Variants in PLCB4 observed in about 807,000 individuals in gnomAD.
PLCB4 encodes phospholipase C beta 4.
A neutral mutation model predicts 178.8 loss-of-function variants in PLCB4; 77 were observed. The ratio of observed to expected loss-of-function variants is 0.43; its 90% confidence interval spans 0.36 to 0.52. PLCB4 has a LOEUF of 0.52. Among genes scored for constraint, PLCB4 ranks in the 20% least tolerant of loss-of-function variants. The pLI is 0.00. For missense variants in PLCB4, 1,024 were observed against 1,453.4 expected (o/e 0.70, Z 4.80); for synonymous variants, 496 against 490.8 (o/e 1.01, Z -0.14).
intron 3 of PLCB4, among the ~76,000 whole-genome samples, chr20:9,300,037 G>A (rs931931081): frequency 6.6e-6 from 1 of 152,064 alleles, no homozygotes; most frequent in African/African-American, 2.4e-5. Flanking sequence ...ATATATTAAT[G>A]TCAAATTAGA....
chr20:9,325,350 G>A (rs2030312250), intron 4 of PLCB4, among the ~76,000 whole-genome samples: 1 of 152,072 alleles, frequency 6.6e-6, no homozygotes, highest in Non-Finnish European at 1.5e-5. Flanking sequence ...TTTGACTACT[G>A]TGACAGTTTT....
At chr20:9,405,444 A>T in intron 21 of PLCB4, 96 bp downstream of exon 21, 1 of 739,180 alleles carries the variant, frequency 1.4e-6, no homozygotes, top group Non-Finnish European at 2.2e-6. Context: ...AAATGATTAA[A>T]TCCTGATAAA....
Position 9,406,840 on chromosome 20 carries a change from T to G in PLCB4, c.1648-1077T>G, listed in dbSNP as rs141604376. ...TGGATTACATCATCCAACTAAGGAA[T>G]TTATCCAACTAGATTCACTTTATGC... On this transcript the variant is annotated intron_variant, in intron 21 of 39. Transcript: ENST00000378473. Among the ~76,000 whole-genome samples, 51 of 152,328 alleles carry G rather than the reference T, an allele frequency of 3.3e-4. No homozygotes were observed. In the East Asian group the frequency reaches 9.6e-3, roughly 29 times the overall value.
chr20:9,112,625 C>G (rs2091621889), intron 2 of PLCB4, among the ~76,000 whole-genome samples: 2 of 152,072 alleles, frequency 1.3e-5, no homozygotes, highest in Non-Finnish European at 2.9e-5. Context: ...TACCATATGT[C>G]TTTAAAATAT....
At chr20:9,097,619 G>A (rs988116768) in intron 2 of PLCB4, among the ~76,000 whole-genome samples, 1 of 152,076 alleles carries the variant, frequency 6.6e-6, no homozygotes, top group African/African-American at 2.4e-5. Context: ...TAACAAATTC[G>A]TGATGCTGAT....
chr20:9,311,193 A>C (rs539015922), intron 4 of PLCB4, among the ~76,000 whole-genome samples: 2 of 152,290 alleles, frequency 1.3e-5, no homozygotes, highest in South Asian at 4.1e-4. Flanking sequence ...GGGCCTTCCC[A>C]GTCTTTCCTA....
rs186249449 is a variant in PLCB4 at position 9,133,354 on chromosome 20, G to A, written c.-79+37012G>A. On this transcript the variant is annotated intron_variant, in intron 2 of 39. Coordinates refer to ENST00000378473, the MANE Select transcript of PLCB4 (RefSeq NM_001377142.1). ...ATGATCTTGGCTCACTGCAGCCCCC[G>A]CCTCCTGGATTCAAGCAATTCTTTT... Among the ~76,000 whole-genome samples, 498 of 152,114 alleles carry A rather than the reference G, an allele frequency of 3.3e-3. 1 individual carries two copies. The highest frequency in any genetic ancestry group is 8.0e-3 in the African/African-American group (330 of 41,494).
At chr20:9,242,075 G>C (rs2094069814) in intron 3 of PLCB4, among the ~76,000 whole-genome samples, 1 of 152,176 alleles carries the variant, frequency 6.6e-6, no homozygotes. Flanking sequence ...TCTACATTTG[G>C]AACTGCAGGT....
chr20:9,373,845 CA>C lies in PLCB4; in HGVS notation c.744+748del, dbSNP rs1219303605. 3.9e-5 allele frequency among the ~76,000 whole-genome samples: 6 copies of C among 152,192 alleles called. No homozygotes were observed. In the South Asian group the frequency reaches 1.2e-3, roughly 31 times the overall value. ...TGAACTACTTTTTTCTTCACACATACAAAAAAAGTTTTCCCTTCAGTGAAAC... is the reference window on the plus strand; with the variant it reads ...TGAACTACTTTTTTCTTCACACATACAAAAAAGTTTTCCCTTCAGTGAAAC... On this transcript the variant is annotated intron_variant, in intron 12 of 39. Coordinates refer to ENST00000378473, the MANE Select transcript of PLCB4 (RefSeq NM_001377142.1).
At chr20:9,371,948 G>A (rs1260663639) in intron 10 of PLCB4, among the ~76,000 whole-genome samples, 1 of 152,084 alleles carries the variant, frequency 6.6e-6, no homozygotes, top group Non-Finnish European at 1.5e-5. Flanking sequence ...TTAAACCTTG[G>A]GCTTGATTTA....
At chr20:9,377,470 A>G (rs1233322442) in intron 12 of PLCB4, among the ~76,000 whole-genome samples, 3 of 152,158 alleles carry the variant, frequency 2.0e-5, no homozygotes, top group Non-Finnish European at 4.4e-5. Context: ...TTCTGACTCT[A>G]ATGCAAATCT....
chr20:9,408,133 T>G, intron 22 of PLCB4, 75 bp downstream of exon 22: 1 of 1,283,308 alleles, frequency 7.8e-7, no homozygotes, highest in East Asian at 2.4e-5. Flanking sequence ...TTTTATCTAA[T>G]TTGTTGCCAT....
intron 12 of PLCB4, among the ~76,000 whole-genome samples, chr20:9,375,865 A>G (rs1322633270): frequency 2.0e-5 from 3 of 152,176 alleles, no homozygotes; most frequent in African/African-American, 7.2e-5. Flanking sequence ...ACTGCCATTA[A>G]CCAGGTAGAA....
At chr20:9,352,560 C>G (rs999383925) in intron 7 of PLCB4, among the ~76,000 whole-genome samples, 2 of 152,176 alleles carry the variant, frequency 1.3e-5, no homozygotes, top group African/African-American at 2.4e-5. Context: ...TATTTAGAGG[C>G]TCTTTTTGAC....
intron 37 of PLCB4, 72 bp from the exon 38 acceptor site, chr20:9,473,207 T>A: frequency 1.2e-6 from 1 of 866,428 alleles, no homozygotes; most frequent in South Asian, 1.8e-5. Context: ...AAGTTACAAG[T>A]CATCTCTCAT....
At chr20:9,112,370 T>C (rs2091612740) in intron 2 of PLCB4, among the ~76,000 whole-genome samples, 1 of 151,734 alleles carries the variant, frequency 6.6e-6, no homozygotes, top group South Asian at 2.1e-4. Flanking sequence ...TTCTCCTGCC[T>C]CAGCCTCCCA....
At chr20:9,103,770 A>G (rs2091266715) in intron 2 of PLCB4, among the ~76,000 whole-genome samples, 1 of 152,164 alleles carries the variant, frequency 6.6e-6, no homozygotes, top group South Asian at 2.1e-4. Context: ...ATATTAGTAA[A>G]TAACTATTTC....
At chr20:9,081,647 A>C (rs1189375226) in intron 1 of PLCB4, among the ~76,000 whole-genome samples, 1 of 152,074 alleles carries the variant, frequency 6.6e-6, no homozygotes, top group Non-Finnish European at 1.5e-5. Context: ...CTCTTGGGAA[A>C]TGGAACAATC....
In PLCB4 at chr20:9,322,969, G is replaced by A. The variant is rs1288718800; in HGVS notation, c.85-14157G>A. ...AAATGGGAGTGATAATACCTACCTCGCATTGCCATCATAAGGAATAAGTAA... is the reference window on the plus strand; with the variant it reads ...AAATGGGAGTGATAATACCTACCTCACATTGCCATCATAAGGAATAAGTAA... On this transcript the variant is annotated intron_variant, in intron 4 of 39. Transcript: ENST00000378473. Among the ~76,000 whole-genome samples the A allele has an allele frequency of 3.9e-5, 6 of 152,280 alleles. No individual in the cohort carries two copies. In the East Asian group the frequency reaches 9.6e-4, roughly 24 times the overall value.
Sources: gnomAD v4.1 joint callset for allele counts (sites outside exome capture counted in the v4.1 genomes callset) on GRCh38, gnomAD v4.1.1 for gene constraint, MANE v1.5 for transcripts, NCBI Gene and HGNC (gene_info 2026-07-23, HGNC 2026-07-21) for gene names.